PGR: variants seen among roughly 807,000 people sequenced by gnomAD.
The protein encoded by PGR is nuclear receptor subfamily 3 group C member 3.
In PGR, 25 loss-of-function variants were observed where a neutral mutation model predicts 76.1. The observed-to-expected ratio is 0.33, with a 90% confidence interval of 0.24 to 0.46. PGR has a LOEUF of 0.46. PGR is among the 20% of genes least tolerant of loss of function. The probability of loss-of-function intolerance (pLI) is 1.00; values close to 1 mark genes in which losing one functional copy is unlikely to be tolerated. For missense variants in PGR, 1,172 were observed against 1,225.3 expected (o/e 0.96, Z 0.65); for synonymous variants, 579 against 535.0 (o/e 1.08, Z -1.14).
intron 2 of PGR, among the ~76,000 whole-genome samples, chr11:101,103,718 T>C (rs2135475026): frequency 6.6e-6 from 1 of 152,342 alleles, no homozygotes; most frequent in East Asian, 1.9e-4. Context: ...GTTTTATTAA[T>C]CCTACTTAAA....
At chr11:101,049,600 T>C (rs1229648655) in intron 6 of PGR, among the ~76,000 whole-genome samples, 1 of 152,152 alleles carries the variant, frequency 6.6e-6, no homozygotes, top group Non-Finnish European at 1.5e-5. Context: ...AACCATTGTA[T>C]ATGTGGTCTG....
intron 2 of PGR, among the ~76,000 whole-genome samples, chr11:101,116,662 C>G (rs1251062251): frequency 6.7e-6 from 1 of 148,632 alleles, no homozygotes; most frequent in Non-Finnish European, 1.5e-5. Flanking sequence ...ATCACTTGAA[C>G]CAGGGAGGCA....
chr11:101,043,156 A>T (rs929274420), intron 6 of PGR, among the ~76,000 whole-genome samples: 2 of 152,188 alleles, frequency 1.3e-5, no homozygotes, highest in African/African-American at 4.8e-5. Context: ...ATTGGAGTCA[A>T]TCCTCTTAAG....
chr11:101,043,353 T>C (rs1859759097), intron 6 of PGR, among the ~76,000 whole-genome samples: 1 of 152,188 alleles, frequency 6.6e-6, no homozygotes, highest in South Asian at 2.1e-4. Flanking sequence ...TTCAGTCATG[T>C]CTTCAGGCTT....
Position 101,050,352 on chromosome 11 carries a change from T to C in PGR, c.2358-293A>G, listed in dbSNP as rs11571237. On this transcript the variant is annotated intron_variant, in intron 5 of 7. Coordinates refer to ENST00000325455, the MANE Select transcript of PGR (RefSeq NM_000926.4). ...CTTTTATTATCACACTTTAAATACCTAAACCAAGAAAACACAGCAGAGGTG... is the reference window on the plus strand; with the variant it reads ...CTTTTATTATCACACTTTAAATACCCAAACCAAGAAAACACAGCAGAGGTG... Among the ~76,000 whole-genome samples, 511 of 152,222 alleles carry C rather than the reference T, an allele frequency of 3.4e-3. 5 individuals are homozygous for C. Among genetic ancestry groups the C allele is most frequent in the African/African-American group, 0.012 (482 of 41,550 alleles).
intron 2 of PGR, among the ~76,000 whole-genome samples, chr11:101,105,393 A>C (rs1355465964): frequency 6.6e-6 from 1 of 152,146 alleles, no homozygotes; most frequent in Non-Finnish European, 1.5e-5. Context: ...AGAGTGGCTT[A>C]AACCAAAGTG....
chr11:101,074,041 C>T (rs1861036323), intron 3 of PGR, among the ~76,000 whole-genome samples: 4 of 152,092 alleles, frequency 2.6e-5, no homozygotes, highest in Admixed American at 2.6e-4. Flanking sequence ...AATTTCAGGC[C>T]AATATCCCTG....
In PGR at chr11:101,103,984, T is replaced by C. The variant is rs539772674; in HGVS notation, c.1790-12108A>G. 2.0e-5 allele frequency among the ~76,000 whole-genome samples: 3 copies of C among 152,322 alleles called. No individual in the cohort carries two copies. The East Asian group carries it at 5.8e-4, about 29-fold the overall frequency. On this transcript the variant is annotated intron_variant, in intron 2 of 7. Coordinates refer to ENST00000325455, the MANE Select transcript of PGR (RefSeq NM_000926.4). ...CATCTATAAAATAACAGTTTAAAAGTTGCTTTGAGGGTAAAATAATGTATA... is the reference window on the plus strand; with the variant it reads ...CATCTATAAAATAACAGTTTAAAAGCTGCTTTGAGGGTAAAATAATGTATA...
At chr11:101,047,668 C>A (rs1271725182) in intron 6 of PGR, among the ~76,000 whole-genome samples, 1 of 152,230 alleles carries the variant, frequency 6.6e-6, no homozygotes, top group East Asian at 1.9e-4. Context: ...ACCTTAGGCT[C>A]ACCCTCGGCC....
At chr11:101,119,623 C>A (rs1862613153) in intron 2 of PGR, among the ~76,000 whole-genome samples, 1 of 151,912 alleles carries the variant, frequency 6.6e-6, no homozygotes, top group Admixed American at 6.6e-5. Flanking sequence ...TAAAGGAGTG[C>A]TTTTTAAAAA....
rs1274401012 is a variant in PGR at position 101,035,104 on chromosome 11, T to A, written c.*4012A>T. 1 of 208,992 alleles carries A rather than the reference T, an allele frequency of 4.8e-6. No individual in the cohort carries two copies. Among genetic ancestry groups the A allele is most frequent in the Non-Finnish European group, 9.7e-6 (1 of 102,752 alleles). 12.9% of individuals were successfully genotyped at this position (208,992 alleles called of 1,614,324 possible). On this transcript the variant is annotated 3_prime_UTR_variant, in exon 8 of 8. Transcript: ENST00000325455. ...AGATGTAGAAATTTCCCACATCCAA[T>A]GGCTATTGAACAGGCATACTTTGGG... is the stretch of plus-strand genomic sequence containing the variant.
At chr11:101,095,519 T>C (rs1046636221) in intron 2 of PGR, among the ~76,000 whole-genome samples, 1 of 152,258 alleles carries the variant, frequency 6.6e-6, no homozygotes, top group African/African-American at 2.4e-5. Flanking sequence ...TCTCATTTTA[T>C]ACAGAGTTAA....
At chr11:101,048,675 G>C (rs1859976424) in intron 6 of PGR, among the ~76,000 whole-genome samples, 1 of 152,148 alleles carries the variant, frequency 6.6e-6, no homozygotes, top group Admixed American at 6.6e-5. Context: ...CTCTGCGTGA[G>C]TCAGCGAGTG....
intron 4 of PGR, among the ~76,000 whole-genome samples, chr11:101,055,220 T>C (rs1445441587): frequency 6.6e-6 from 1 of 151,728 alleles, no homozygotes; most frequent in African/African-American, 2.4e-5. Context: ...TGAGACCATC[T>C]TGGCCAGCAT....
At chr11:101,090,059 G>T (rs532092814) in intron 3 of PGR, among the ~76,000 whole-genome samples, 1 of 152,048 alleles carries the variant, frequency 6.6e-6, no homozygotes, top group Non-Finnish European at 1.5e-5. Flanking sequence ...TTAGCTGGGC[G>T]TAATGGCGGG....
At chr11:101,055,258 C>A (rs1298190204) in intron 4 of PGR, among the ~76,000 whole-genome samples, 1 of 151,552 alleles carries the variant, frequency 6.6e-6, no homozygotes, top group African/African-American at 2.4e-5. Context: ...ACTAAAAATA[C>A]AAAAATTAGC....
chr11:101,056,156 T>C (rs1320816843), intron 4 of PGR, among the ~76,000 whole-genome samples: 3 of 152,118 alleles, frequency 2.0e-5, no homozygotes, highest in African/African-American at 7.2e-5. Context: ...GTAAACTTAG[T>C]ACATTTGAGA....
intron 3 of PGR, among the ~76,000 whole-genome samples, chr11:101,081,592 T>C (rs553308498): frequency 2.0e-5 from 3 of 152,080 alleles, no homozygotes; most frequent in Non-Finnish European, 4.4e-5. Context: ...CTAGGAGAGA[T>C]TGGGGGCCTG....
At chr11:101,060,347 T>C (rs868556107) in intron 4 of PGR, among the ~76,000 whole-genome samples, 3 of 152,188 alleles carry the variant, frequency 2.0e-5, no homozygotes, top group Non-Finnish European at 4.4e-5. Flanking sequence ...CATGCAAAAC[T>C]GATGACCAGA....
Sources: gnomAD v4.1 joint callset for allele counts (sites outside exome capture counted in the v4.1 genomes callset) on GRCh38, gnomAD v4.1.1 for gene constraint, MANE v1.5 for transcripts, NCBI Gene and HGNC (gene_info 2026-07-23, HGNC 2026-07-21) for gene names.